EP400: variants seen among roughly 807,000 people sequenced by gnomAD.
The protein encoded by EP400 is E1A binding protein p400, also known as E1A-binding protein p400.
A neutral mutation model predicts 354.1 loss-of-function variants in EP400; 105 were observed. That is an observed-to-expected ratio of 0.30 (90% CI 0.25 to 0.35). EP400 has a LOEUF of 0.35. Ranked by LOEUF, EP400 falls within the 10% of genes least tolerant of loss-of-function variation. EP400 has a pLI of 1.00. For missense variants in EP400, 3,280 were observed against 4,121.0 expected (o/e 0.80, Z 5.59); for synonymous variants, 1,646 against 1,716.9 (o/e 0.96, Z 1.02).
chr12:132,028,273 A>G lies in EP400; in HGVS notation c.5366A>G (p.Gln1789Arg), dbSNP rs1362051392. ...CTTTGTCGGTGTGGAGAGTCTCTGCAGGATGTTATTGACAGGTACTGCAGA... is the reference window on the plus strand; with the variant it reads ...CTTTGTCGGTGTGGAGAGTCTCTGCGGGATGTTATTGACAGGTACTGCAGA... The part of the protein sequence containing the change: ...LTLCRCGESL[Q>R]DVIDRVAFVI... Residue 1789 changes from glutamine (Q) to arginine (R), a missense_variant, in exon 27 of 53, where the codon CAG (glutamine) becomes CGG (arginine). Physicochemically the swap from Gln to Arg is conservative, Grantham distance 43. Coordinates refer to ENST00000389561, the MANE Select transcript of EP400 (RefSeq NM_015409.5). 5 of 1,613,714 alleles carry G rather than the reference A, an allele frequency of 3.1e-6. No homozygotes were observed. In the African/African-American group the frequency reaches 5.3e-5, roughly 17 times the overall value.
intron 51 of EP400, among the ~76,000 whole-genome samples, chr12:132,069,872 G>A (rs1029560701): frequency 2.6e-5 from 4 of 152,198 alleles, no homozygotes; most frequent in Admixed American, 6.5e-5. Context: ...TGTTCTGGAC[G>A]TCGATCTCCA....
At chr12:131,988,240 G>C (rs1465686301) in intron 7 of EP400, among the ~76,000 whole-genome samples, 23 of 152,128 alleles carry the variant, frequency 1.5e-4, no homozygotes, top group Admixed American at 9.8e-4. Flanking sequence ...GAGAATAACT[G>C]TGCTGTGTAA....
intron 10 of EP400, 24 bp from the exon 11 acceptor site, chr12:131,992,149 T>C: frequency 1.2e-6 from 2 of 1,602,356 alleles, no homozygotes. Context: ...CTCATGCTTG[T>C]GGTTTTTCTT....
At chr12:132,009,202 G>T (rs1232581195) in intron 15 of EP400, among the ~76,000 whole-genome samples, 1 of 151,902 alleles carries the variant, frequency 6.6e-6, no homozygotes, top group Non-Finnish European at 1.5e-5. Flanking sequence ...AAAGTGGTGG[G>T]ATTACAGGCA....
intron 33 of EP400, 66 bp from the exon 34 acceptor site, chr12:132,043,579 G>C: frequency 6.3e-7 from 1 of 1,578,734 alleles, no homozygotes; most frequent in Non-Finnish European, 8.6e-7. Context: ...TTAGTGGATT[G>C]TATAAGGAAC....
intron 30 of EP400, among the ~76,000 whole-genome samples, chr12:132,034,516 C>T (rs568038118): frequency 6.6e-6 from 1 of 152,308 alleles, no homozygotes; most frequent in African/African-American, 2.4e-5. Context: ...GCAGTGTGGA[C>T]GTCCTGATGA....
intron 39 of EP400, among the ~76,000 whole-genome samples, chr12:132,047,041 G>A (rs1895121962): frequency 2.0e-5 from 3 of 152,220 alleles, no homozygotes. Context: ...TTCCTAATTT[G>A]TGAGAATTAA....
In EP400 at chr12:131,971,899, T is replaced by G. The variant is rs200032938; in HGVS notation, c.1336-7795T>G. The stretch of plus-strand genomic sequence containing the variant: ...AGTGAAAGATATCTTACTGTTTAAA[T>G]TCTATGATTAATTTTACTGTGCTTT... On this transcript the variant is annotated intron_variant, in intron 2 of 52. Transcript: ENST00000389561. 2.6e-5 allele frequency among the ~76,000 whole-genome samples: 4 copies of G among 152,260 alleles called. No homozygotes were observed. The East Asian group carries it at 7.7e-4, about 29-fold the overall frequency.
At chr12:132,063,132 A>AG (rs1895763513) in intron 47 of EP400, among the ~76,000 whole-genome samples, 1 of 152,196 alleles carries the variant, frequency 6.6e-6, no homozygotes, top group Middle Eastern at 3.2e-3. Flanking sequence ...TGTTTCTCAA[A>AG]GGTGGTCATT....
chr12:131,991,046 A>T (rs1206186855), intron 9 of EP400, among the ~76,000 whole-genome samples: 1 of 152,114 alleles, frequency 6.6e-6, no homozygotes, highest in African/African-American at 2.4e-5. Flanking sequence ...CCTTCCTTTG[A>T]TGTTTCTTCG....
At chr12:131,979,848 CGA>C (rs1347224755) in intron 3 of EP400, 55 bp downstream of exon 3, 1 of 1,448,016 alleles carries the variant, frequency 6.9e-7, no homozygotes, top group Non-Finnish European at 9.3e-7. Context: ...CTTGGGCTGC[CGA>C]GGTACAGTTG....
intron 29 of EP400, 90 bp from the exon 30 acceptor site, chr12:132,031,863 G>T (rs1894517854): frequency 1.4e-6 from 2 of 1,396,004 alleles, no homozygotes. Context: ...CCTGCTGTGG[G>T]ATTATTTCTA....
chr12:132,023,822 C>T lies in EP400; in HGVS notation c.4736C>T (p.Pro1579Leu). The T allele has an allele frequency of 1.2e-6, 2 of 1,613,922 alleles. No individual in the cohort carries two copies. The highest frequency in any genetic ancestry group is 1.7e-6 in the Non-Finnish European group (2 of 1,179,962). ...KIAQLASITG[P>L]QSRVAQPETP... The stretch of plus-strand genomic sequence containing the variant: ...GCTCAGCTGGCATCCATCACAGGAC[C>T]ACAGAGCCGCGTGGCTCAGCCAGAG... Residue 1579 changes from proline (P) to leucine (L), a missense_variant, in exon 24 of 53, where the codon CCA (proline) becomes CTA (leucine). Pro to Leu is a moderately conservative substitution (Grantham distance 98). This residue lies in a region of EP400 where 342 missense variants were observed against 342.7 expected (regional missense o/e 1.00). Coordinates refer to ENST00000389561, the MANE Select transcript of EP400 (RefSeq NM_015409.5).
At chr12:132,000,172 A>G (rs1893360518) in intron 12 of EP400, among the ~76,000 whole-genome samples, 1 of 151,850 alleles carries the variant, frequency 6.6e-6, no homozygotes, top group Non-Finnish European at 1.5e-5. Flanking sequence ...TGAATATCAT[A>G]TTTATTATTC....
At chr12:132,012,937 G>T in intron 16 of EP400, 72 bp from the exon 17 acceptor site, 1 of 1,462,214 alleles carries the variant, frequency 6.8e-7, no homozygotes, top group Non-Finnish European at 9.1e-7. Context: ...GCTTTGGGAA[G>T]TGTGTGTCCT....
chr12:132,071,264 G>A (rs1174537580), intron 51 of EP400, among the ~76,000 whole-genome samples: 1 of 151,908 alleles, frequency 6.6e-6, no homozygotes, highest in African/African-American at 2.4e-5. Flanking sequence ...TAGCCTCAAA[G>A]CTTTAAGTCC....
At chr12:132,014,787 A>G (rs1367816298) in intron 19 of EP400, among the ~76,000 whole-genome samples, 2 of 152,056 alleles carry the variant, frequency 1.3e-5, no homozygotes, top group Non-Finnish European at 2.9e-5. Flanking sequence ...TTGTGGGGAG[A>G]TGACATGGGG....
intron 11 of EP400, among the ~76,000 whole-genome samples, chr12:131,993,281 T>G (rs1189757630): frequency 1.3e-5 from 2 of 152,108 alleles, no homozygotes; most frequent in African/African-American, 4.8e-5. Flanking sequence ...CGCCTCAGCC[T>G]CCCAAAGTGC....
rs1005478901 is a variant in EP400, at chr12:132,018,835, A to G, written c.4277+459A>G. On this transcript the variant is annotated intron_variant, in intron 21 of 52. Transcript: ENST00000389561. This position sits in a 1 kb window ranked among gnomAD's most constrained non-coding sequence, Gnocchi z 4.0. ...GGGACAGACACGTTAGATGATTAAAACGAGATATAAATGACTCATAGTCTA... is the reference window on the plus strand; with the variant it reads ...GGGACAGACACGTTAGATGATTAAAGCGAGATATAAATGACTCATAGTCTA... 6.6e-6 allele frequency among the ~76,000 whole-genome samples: 1 copy of G among 152,220 alleles called. No homozygotes were observed. The highest frequency in any genetic ancestry group is 2.4e-5 in the African/African-American group (1 of 41,466).
Sources: allele counts gnomAD v4.1 joint callset (sites outside exome capture counted in the v4.1 genomes callset), GRCh38; gene constraint gnomAD v4.1.1; regional missense constraint gnomAD v4.1.1; non-coding constraint Gnocchi (gnomAD v3.1); transcripts MANE v1.5; gene names NCBI Gene and HGNC (gene_info 2026-07-23, HGNC 2026-07-21).